The following GAB3 variants were observed in gnomAD, a reference collection of about 807,000 sequenced individuals.
GAB3 encodes GRB2-associated-binding protein 3.
Under a neutral mutation model 40.4 loss-of-function variants are expected in GAB3, and 12 were observed. That is an observed-to-expected ratio of 0.30 (90% CI 0.19 to 0.48). The LOEUF is 0.48. Among genes scored for constraint, GAB3 ranks in the 20% least tolerant of loss-of-function variants. The pLI, the probability that GAB3 is intolerant of heterozygous loss-of-function variation, is 0.99. For missense variants in GAB3, 381 were observed against 461.9 expected (o/e 0.82, Z 1.61); for synonymous variants, 154 against 176.7 (o/e 0.87, Z 1.02).
intron 4 of GAB3, among the ~76,000 whole-genome samples, chrX:154,710,234 G>C (rs1285197789): frequency 2.7e-5 from 3 of 112,037 alleles, no homozygotes; most frequent in Non-Finnish European, 5.6e-5. Context: ...CAACATTGTA[G>C]TCAAATCTTC....
chrX:154,709,779 C>A (rs1173227559), intron 4 of GAB3, among the ~76,000 whole-genome samples: 1 of 111,461 alleles, frequency 9.0e-6, no homozygotes, highest in Non-Finnish European at 1.9e-5. Flanking sequence ...GGAATGGTAT[C>A]CTGTCATTTG....
intron 9 of GAB3, among the ~76,000 whole-genome samples, chrX:154,679,617 T>C (rs1314746264): frequency 4.5e-5 from 5 of 111,976 alleles, no homozygotes; most frequent in Non-Finnish European, 9.4e-5. Context: ...CTTACATGTA[T>C]TAACTCAATT....
At position 154,700,471 on chromosome X, in the gene GAB3, G is replaced by T. The variant is rs781982768; in HGVS notation, c.1070-412C>A. Among the ~76,000 whole-genome samples the T allele has an allele frequency of 3.4e-4, 38 of 111,022 alleles. 1 individual carries two copies. Among genetic ancestry groups the T allele is most frequent in the African/African-American group, 1.1e-3 (35 of 30,514 alleles). ...GTCTGTGACCAGAAAAGCTACTCAG[G>T]TAGACGCATGGAGAGAAAGGACATT... On this transcript the variant is annotated intron_variant, in intron 4 of 9. Coordinates refer to ENST00000424127, the MANE Select transcript of GAB3 (RefSeq NM_001081573.3).
chrX:154,720,718 A>G (rs1253468536), intron 1 of GAB3, among the ~76,000 whole-genome samples: 1 of 111,474 alleles, frequency 9.0e-6, no homozygotes, highest in Non-Finnish European at 1.9e-5. Flanking sequence ...TACTTAAGTA[A>G]AAGGGAAGAA....
intron 1 of GAB3, among the ~76,000 whole-genome samples, chrX:154,736,115 C>T (rs1465018307): frequency 4.4e-5 from 5 of 112,727 alleles, no homozygotes; most frequent in African/African-American, 9.7e-5. Context: ...AATATCTTTC[C>T]GTGGTACTAG....
rs976592853 is a variant in GAB3, at chrX:154,710,553, G to C, written c.1069+1676C>G. Among the ~76,000 whole-genome samples, 5 of 111,840 alleles carry C rather than the reference G, an allele frequency of 4.5e-5. No homozygotes were observed. The East Asian group carries it at 8.4e-4, about 19-fold the overall frequency. ...GCTGGAGAGCCATGGGGACAGGACA[G>C]CCTTGCAGGGTCATCGGATGGAGAT... On this transcript the variant is annotated intron_variant, in intron 4 of 9. Coordinates refer to ENST00000424127, the MANE Select transcript of GAB3 (RefSeq NM_001081573.3).
chrX:154,692,474 G>A (rs2070586793), intron 8 of GAB3, among the ~76,000 whole-genome samples: 1 of 111,994 alleles, frequency 8.9e-6, no homozygotes, highest in Non-Finnish European at 1.9e-5. Context: ...ATTCACACCC[G>A]TTAGGATACC....
intron 8 of GAB3, among the ~76,000 whole-genome samples, chrX:154,692,333 C>T (rs2070584573): frequency 9.0e-6 from 1 of 111,544 alleles, no homozygotes. Flanking sequence ...AAGAAACAAC[C>T]TAACTTAAAA....
intron 6 of GAB3, among the ~76,000 whole-genome samples, chrX:154,697,613 C>G (rs1356880192): frequency 8.9e-6 from 1 of 111,913 alleles, no homozygotes; most frequent in Non-Finnish European, 1.9e-5. Context: ...CACCCAGGTC[C>G]TAGTCTTCCC....
chrX:154,691,722 A>C (rs1225259703), intron 8 of GAB3, among the ~76,000 whole-genome samples: 1 of 111,899 alleles, frequency 8.9e-6, no homozygotes, highest in Non-Finnish European at 1.9e-5. Flanking sequence ...ATGACAAATC[A>C]ATCATAAAAA....
At chrX:154,681,164 A>G (rs782233290) in intron 8 of GAB3, among the ~76,000 whole-genome samples, 6 of 111,915 alleles carry the variant, frequency 5.4e-5, no homozygotes, top group Non-Finnish European at 1.1e-4. Flanking sequence ...ACTTTACTAA[A>G]TATCACCAAA....
intron 1 of GAB3, among the ~76,000 whole-genome samples, chrX:154,747,752 G>A (rs1328195952): frequency 8.9e-6 from 1 of 112,041 alleles, no homozygotes; most frequent in Non-Finnish European, 1.9e-5. Context: ...GGGTGACAAA[G>A]GATCTTAGGC....
chrX:154,694,273 T>C (rs1374262951), intron 8 of GAB3, among the ~76,000 whole-genome samples: 1 of 112,218 alleles, frequency 8.9e-6, no homozygotes, highest in African/African-American at 3.2e-5. Flanking sequence ...TCTGGGTTCT[T>C]AATCTGCTGT....
At chrX:154,689,384 C>T (rs1217664052) in intron 8 of GAB3, among the ~76,000 whole-genome samples, 24 of 111,721 alleles carry the variant, frequency 2.1e-4, no homozygotes, top group African/African-American at 6.8e-4. Flanking sequence ...CTCACCACTC[C>T]TATTCAACAT....
chrX:154,749,637 T>G (rs1557262455), intron 1 of GAB3, among the ~76,000 whole-genome samples: 7 of 112,449 alleles, frequency 6.2e-5, no homozygotes, highest in Non-Finnish European at 9.4e-5. Context: ...ATCTCAGTAT[T>G]TATGCACTCC....
intron 3 of GAB3, 126 bp downstream of exon 3, chrX:154,713,081 C>A: frequency 1.8e-6 from 1 of 551,358 alleles, no homozygotes. Context: ...AATGCTACCA[C>A]TAAATGGACT....
intron 7 of GAB3, 84 bp downstream of exon 7, chrX:154,697,047 TG>T: frequency 1.3e-6 from 1 of 780,131 alleles, no homozygotes; most frequent in Non-Finnish European, 1.9e-6. Context: ...CTAGATCAGA[TG>T]GGCTTCAACT....
chrX:154,684,919 T>C (rs1174151060), intron 8 of GAB3, among the ~76,000 whole-genome samples: 2 of 111,758 alleles, frequency 1.8e-5, no homozygotes, highest in African/African-American at 6.5e-5. Context: ...ACTCTGACTA[T>C]ACAAATATTT....
At chrX:154,734,524 C>T (rs1205470170) in intron 1 of GAB3, among the ~76,000 whole-genome samples, 1 of 112,521 alleles carries the variant, frequency 8.9e-6, no homozygotes, top group African/African-American at 3.2e-5. Flanking sequence ...TTCGCCCACA[C>T]ACTTTGCAGG....
Sources: allele counts gnomAD v4.1 joint callset (sites outside exome capture counted in the v4.1 genomes callset), GRCh38; gene constraint gnomAD v4.1.1; transcripts MANE v1.5; gene names NCBI Gene and HGNC (gene_info 2026-07-23, HGNC 2026-07-21).